The following PTPRD variants were observed in gnomAD, a reference collection of about 807,000 sequenced individuals.
The protein encoded by PTPRD is receptor-type tyrosine-protein phosphatase delta.
PTPRD carries 34 observed loss-of-function variants against 214.5 expected under a neutral mutation model. The observed-to-expected ratio is 0.16, with a 90% CI of 0.12 to 0.21. The LOEUF (loss-of-function observed/expected upper bound fraction) is 0.21. PTPRD is among the 10% of genes least tolerant of loss of function. The pLI is 1.00. For synonymous variants in PTPRD, 1,128 were observed against 845.7 expected, an observed-to-expected ratio of 1.33 and a Z score of -5.79; for missense variants, 2,545 against 2,398.7, an observed-to-expected ratio of 1.06 and a Z score of -1.27.
intron 5 of PTPRD, among the ~76,000 whole-genome samples, chr9:9,876,627 A>G (rs1224820212): frequency 1.3e-5 from 2 of 152,182 alleles, no homozygotes; most frequent in Non-Finnish European, 2.9e-5. Flanking sequence ...GTGCAGTGGC[A>G]CTATTTTTGG....
chr9:8,843,469 GCTGT>G (rs780732018), intron 11 of PTPRD, among the ~76,000 whole-genome samples: 34 of 152,268 alleles, frequency 2.2e-4, no homozygotes, highest in Non-Finnish European at 4.0e-4. Context: ...GTAGACTAGG[GCTGT>G]CTAATACAAC....
chr9:10,449,087 C>CGCTCCCTCGTCTCCCACTTTCCACGGTCT (rs1237934947), intron 2 of PTPRD, among the ~76,000 whole-genome samples: 2 of 151,938 alleles, frequency 1.3e-5, no homozygotes, highest in African/African-American at 4.9e-5. Context: ...CCTCTGATGC[C>CGCTCCCTCGTCTCCCACTTTCCACGGTCT]CAGCCGAGGC....
At chr9:10,016,537 T>C (rs1233437327) in intron 4 of PTPRD, among the ~76,000 whole-genome samples, 1 of 152,150 alleles carries the variant, frequency 6.6e-6, no homozygotes, top group Non-Finnish European at 1.5e-5. Flanking sequence ...AGCATGTCTC[T>C]ATAGGGTACT....
At chr9:10,541,907 T>C (rs903700513) in intron 2 of PTPRD, among the ~76,000 whole-genome samples, 3 of 152,142 alleles carry the variant, frequency 2.0e-5, no homozygotes, top group African/African-American at 4.8e-5. Flanking sequence ...TATTTGATTG[T>C]GTATTTTCCC....
chr9:8,337,375 G>A (rs76782148), intron 43 of PTPRD, among the ~76,000 whole-genome samples: 4 of 151,740 alleles, frequency 2.6e-5, no homozygotes, highest in African/African-American at 9.7e-5. Context: ...ACCAAACACT[G>A]CACTCAAAAG....
At chr9:8,415,499 T>C (rs1413442259) in intron 35 of PTPRD, among the ~76,000 whole-genome samples, 2 of 152,288 alleles carry the variant, frequency 1.3e-5, no homozygotes, top group African/African-American at 2.4e-5. Flanking sequence ...AAGGCTGTGA[T>C]TGGAATATTA....
At chr9:9,574,641 T>C (rs1295401909) in intron 8 of PTPRD, 91 bp downstream of exon 8, 3 of 152,078 alleles carry the variant, frequency 2.0e-5, no homozygotes, top group East Asian at 3.9e-4. Context: ...AATGACTTAT[T>C]TGAATTTCCT....
intron 2 of PTPRD, among the ~76,000 whole-genome samples, chr9:10,478,910 C>T (rs1405260656): frequency 1.3e-5 from 2 of 151,574 alleles, no homozygotes; most frequent in African/African-American, 4.8e-5. Context: ...AAATTTCAAA[C>T]CTAAAATATA....
At chr9:9,407,915 T>C (rs10759066) in intron 8 of PTPRD, among the ~76,000 whole-genome samples, 93,864 of 151,542 alleles carry the variant, frequency 0.62, 29,469 homozygotes, top group Middle Eastern at 0.69. Flanking sequence ...GGAAAAATTA[T>C]AGTGTAGTAA....
At chr9:9,990,247 C>A (rs1050579982) in intron 4 of PTPRD, among the ~76,000 whole-genome samples, 1 of 152,172 alleles carries the variant, frequency 6.6e-6, no homozygotes, top group African/African-American at 2.4e-5. Flanking sequence ...TGGTATCTTT[C>A]CTTTCTTCTC....
At chr9:8,900,670 G>A (rs1303690455) in intron 11 of PTPRD, among the ~76,000 whole-genome samples, 1 of 152,176 alleles carries the variant, frequency 6.6e-6, no homozygotes, top group East Asian at 1.9e-4. Flanking sequence ...AGCAGTATGA[G>A]TGACATAAGG....
intron 9 of PTPRD, among the ~76,000 whole-genome samples, chr9:9,235,667 C>T (rs971257752): frequency 1.3e-5 from 2 of 152,134 alleles, no homozygotes; most frequent in African/African-American, 4.8e-5. Flanking sequence ...TATTCTCAGA[C>T]AACCAACAAA....
chr9:9,788,507 G>C (rs574901103), intron 5 of PTPRD, among the ~76,000 whole-genome samples: 2 of 150,054 alleles, frequency 1.3e-5, no homozygotes, highest in East Asian at 2.0e-4. Context: ...AGCCGAGATC[G>C]GGCCACGGCA....
chr9:9,932,906 G>A (rs1320485818), intron 5 of PTPRD, among the ~76,000 whole-genome samples: 2 of 136,672 alleles, frequency 1.5e-5, no homozygotes, highest in African/African-American at 5.2e-5. Context: ...AGCCAGAAAA[G>A]AGTGGGGGCC....
At chr9:8,694,097 G>A (rs1160733912) in intron 12 of PTPRD, among the ~76,000 whole-genome samples, 1 of 152,166 alleles carries the variant, frequency 6.6e-6, no homozygotes, top group Non-Finnish European at 1.5e-5. Context: ...TTACCTAGAT[G>A]TGAAAACATG....
chr9:9,321,900 T>C (rs559921351), intron 9 of PTPRD, among the ~76,000 whole-genome samples: 29 of 152,306 alleles, frequency 1.9e-4, no homozygotes, highest in African/African-American at 6.5e-4. Context: ...TAGACCTAAT[T>C]AACTTGATTT....
At chr9:8,429,837 T>C (rs572891932) in intron 35 of PTPRD, among the ~76,000 whole-genome samples, 1 of 152,328 alleles carries the variant, frequency 6.6e-6, no homozygotes, top group African/African-American at 2.4e-5. Context: ...AACACTTCTG[T>C]GAACCACAGA....
intron 4 of PTPRD, among the ~76,000 whole-genome samples, chr9:9,971,886 T>C (rs1326601515): frequency 6.6e-6 from 1 of 152,198 alleles, no homozygotes; most frequent in African/African-American, 2.4e-5. Flanking sequence ...AATTTGTAAA[T>C]AGTATTTCAT....
intron 10 of PTPRD, among the ~76,000 whole-genome samples, chr9:9,164,108 AT>A (rs1008876959): frequency 5.3e-5 from 8 of 151,198 alleles, no homozygotes; most frequent in African/African-American, 7.3e-5. Context: ...AATTACACCA[AT>A]TTTTTTTTGC....
Sources: gnomAD v4.1 joint callset for allele counts (sites outside exome capture counted in the v4.1 genomes callset) on GRCh38, gnomAD v4.1.1 for gene constraint, MANE v1.5 for transcripts, NCBI Gene and HGNC (gene_info 2026-07-23, HGNC 2026-07-21) for gene names.